RAD52: variants seen among roughly 807,000 people sequenced by gnomAD.
RAD52 encodes the protein RAD52 DNA repair protein.
In RAD52, 47 loss-of-function variants were observed where a neutral mutation model predicts 55.5. The observed-to-expected ratio is 0.85, with a 90% confidence interval of 0.67 to 1.08. The LOEUF (loss-of-function observed/expected upper bound fraction) is 1.08. Ranked by LOEUF, RAD52 falls within the 50% of genes least tolerant of loss-of-function variation. The pLI is 0.00. For synonymous variants in RAD52, 184 were observed against 198.9 expected (o/e 0.92, Z 0.63); for missense variants, 468 against 522.8 (o/e 0.90, Z 1.02).
chr12:913,392 T>A lies in RAD52; in HGVS notation c.1256A>T (p.Ter419LeuextTer42), dbSNP rs1956196789. 2.5e-6 allele frequency: 4 copies of A among 1,602,112 alleles called. No individual in the cohort carries two copies. In the South Asian group the frequency reaches 4.4e-5, roughly 18 times the overall value. The stretch of plus-strand genomic sequence containing the variant: ...CCAATTATGTGGCCTGAGCCTCAGT[T>A]AAGATGGATCATATTTCCTTTTCTT... ...DMKKRKYDPS[*>L] Residue 419 changes from the stop codon to leucine (L), a stop_lost, in exon 12 of 12, where the codon TAA (stop) becomes TTA (leucine). Transcript: ENST00000358495.
chr12:965,432 A>G (rs778815068), intron 1 of RAD52, among the ~76,000 whole-genome samples: 1 of 151,906 alleles, frequency 6.6e-6, no homozygotes, highest in Non-Finnish European at 1.5e-5. Context: ...AGGTTCATCT[A>G]TTTGCTTCTG....
intron 7 of RAD52, among the ~76,000 whole-genome samples, chr12:918,521 C>G (rs1956532829): frequency 6.6e-6 from 1 of 152,130 alleles, no homozygotes; most frequent in Admixed American, 6.5e-5. Context: ...CCCAGCCTCC[C>G]AAGCAGCTGG....
Position 927,206 on chromosome 12 carries a change from C to T in RAD52, c.406G>A (p.Ala136Thr). 2.5e-6 allele frequency: 4 copies of T among 1,614,178 alleles called. No individual in the cohort carries two copies. The highest frequency in any genetic ancestry group is 3.4e-6 in the Non-Finnish European group (4 of 1,180,034). Residue 136 changes from alanine to threonine, a missense_variant, in exon 6 of 12, where the codon GCT (alanine) becomes ACT (threonine). By Grantham distance (58) the Ala-to-Thr change is moderately conservative. Transcript: ENST00000358495. ...TTCCTTGCCTTCTCCAAAGATAAAG[C>T]CTTGGACTTGAGGCCCTCACTAACA... ...YGVSEGLKSK[A>T]LSLEKARKEA...
chr12:949,717 T>C (rs1944727017), upstream of RAD52: 1 of 149,576 alleles, frequency 6.7e-6, no homozygotes, highest in African/African-American at 2.5e-5. Context: ...CGAGCGTCTC[T>C]GGGAAGAAGG....
chr12:970,773 A>G (rs1958836293), intron 1 of RAD52, among the ~76,000 whole-genome samples: 1 of 152,142 alleles, frequency 6.6e-6, no homozygotes, highest in Admixed American at 6.6e-5. Flanking sequence ...AAGAAAGTGA[A>G]CCAACAACCG....
At chr12:979,724 T>G (rs1427559143) in intron 1 of RAD52, among the ~76,000 whole-genome samples, 2 of 152,116 alleles carry the variant, frequency 1.3e-5, no homozygotes, top group Non-Finnish European at 2.9e-5. Context: ...ATTTCTGTTA[T>G]TTAAGCCACC....
intron 1 of RAD52, among the ~76,000 whole-genome samples, chr12:963,923 G>C (rs914908694): frequency 6.6e-6 from 1 of 152,138 alleles, no homozygotes; most frequent in African/African-American, 2.4e-5. Flanking sequence ...AGGCCTCTCT[G>C]ATCAGGTGAC....
At position 927,164 on chromosome 12, in the gene RAD52, C is replaced by T. The variant is rs1352571686; in HGVS notation, c.448G>A (p.Gly150Arg). 3.7e-6 allele frequency: 6 copies of T among 1,614,070 alleles called. No homozygotes were observed. The highest frequency in any genetic ancestry group is 4.2e-6 in the Non-Finnish European group (5 of 1,179,968). Residue 150 changes from glycine (G) to arginine (R), a missense_variant, in exon 6 of 12, where the codon GGG (glycine) becomes AGG (arginine). Gly to Arg is a moderately radical substitution (Grantham distance 125). Transcript: ENST00000358495. ...EKARKEAVTD[G>R]LKRALRSFGN... ...GCTCACCTGAGGGCTCGCTTCAGCCCGTCTGTCACCGCCTCCTTCCTTGCC... is the reference window on the plus strand; with the variant it reads ...GCTCACCTGAGGGCTCGCTTCAGCCTGTCTGTCACCGCCTCCTTCCTTGCC...
At chr12:951,141 A>G (rs1053274474), upstream of RAD52, among the ~76,000 whole-genome samples, 1 of 152,066 alleles carries the variant, frequency 6.6e-6, no homozygotes, top group African/African-American at 2.4e-5. Flanking sequence ...GTCTCAAGCT[A>G]TCAAGCTGTT....
chr12:932,824 CTA>C (rs1957400565), intron 2 of RAD52, 149 bp downstream of exon 2: 1 of 181,184 alleles, frequency 5.5e-6, no homozygotes, highest in African/African-American at 3.1e-5. Flanking sequence ...CACACACGTA[CTA>C]GGTAAACGTA....
chr12:913,188 T>C lies in RAD52; in HGVS notation c.*203A>G, dbSNP rs1956188232. ...TCATCTGTCCAGAGCCTCTCCCTACTAGAGTGATGGACAAGCTTTTCAAAA... is the reference window on the plus strand; with the variant it reads ...TCATCTGTCCAGAGCCTCTCCCTACCAGAGTGATGGACAAGCTTTTCAAAA... On this transcript the variant is annotated 3_prime_UTR_variant, in exon 12 of 12. Coordinates refer to ENST00000358495, the MANE Select transcript of RAD52 (RefSeq NM_134424.4). The C allele has an allele frequency of 3.4e-6, 2 of 589,676 alleles. No homozygotes were observed. The highest frequency in any genetic ancestry group is 3.2e-5 in the Admixed American group (1 of 31,086). 36.5% of individuals were successfully genotyped at this position (589,676 alleles called of 1,614,324 possible).
chr12:940,684 A>G (rs1205666713), intron 1 of RAD52, among the ~76,000 whole-genome samples: 1 of 152,148 alleles, frequency 6.6e-6, no homozygotes, highest in Admixed American at 6.6e-5. Flanking sequence ...AGACACAAAG[A>G]AAATGTAAGA....
At chr12:971,950 G>A (rs541582933) in intron 1 of RAD52, among the ~76,000 whole-genome samples, 3 of 152,114 alleles carry the variant, frequency 2.0e-5, no homozygotes, top group South Asian at 2.1e-4. Context: ...GGGTTTCACC[G>A]TGTTAGCCAG....
At chr12:954,525 G>A (rs144374878), upstream of RAD52, among the ~76,000 whole-genome samples, 1,329 of 152,196 alleles carry the variant, frequency 8.7e-3, 17 homozygotes, top group African/African-American at 0.03. Flanking sequence ...CCAGCTACTC[G>A]GGAGGCTGAG....
rs150181047 is a variant in RAD52 at position 986,223 on chromosome 12, C to T, written c.-19+3586G>A. Reference sequence around the variant, plus strand: ...TGCTGGGATTACAGGTGTGAGCCGCCGCACCTGGCCTTGTTTTTAAAATAG... The same window carrying T: ...TGCTGGGATTACAGGTGTGAGCCGCTGCACCTGGCCTTGTTTTTAAAATAG... On this transcript the variant is annotated intron_variant, in intron 1 of 11. Transcript: ENST00000430095. 7.9e-5 allele frequency among the ~76,000 whole-genome samples: 12 copies of T among 152,170 alleles called. No individual in the cohort carries two copies. In the East Asian group the frequency reaches 1.5e-3, roughly 20 times the overall value.
intron 1 of RAD52, among the ~76,000 whole-genome samples, chr12:948,938 A>G (rs562224194): frequency 6.6e-6 from 1 of 152,180 alleles, no homozygotes; most frequent in Non-Finnish European, 1.5e-5. Flanking sequence ...GCCTCAAGCG[A>G]TCCTCCCGCA....
intron 1 of RAD52, among the ~76,000 whole-genome samples, chr12:988,909 G>C (rs1446173116): frequency 9.1e-5 from 11 of 120,970 alleles, no homozygotes; most frequent in Non-Finnish European, 1.0e-4. Flanking sequence ...CATGAGATTT[G>C]GTAGAGACAA....
Position 927,155 on chromosome 12 carries a change from G to A in RAD52, c.457C>T (p.Arg153Ter), listed in dbSNP as rs748854759. ...CAGCCCCGCGCTCACCTGAGGGCTC[G>A]CTTCAGCCCGTCTGTCACCGCCTCC... ...RKEAVTDGLK[R>*]ALRSFGNALG... The change falls in exon 6 of 12, where the codon CGA becomes TGA. Residue 153 changes from arginine to a stop codon, truncating the protein, a stop_gained. Coordinates refer to ENST00000358495, the MANE Select transcript of RAD52 (RefSeq NM_134424.4). LOFTEE classifies it high-confidence loss of function. 31 of 1,613,668 alleles carry A rather than the reference G, an allele frequency of 1.9e-5. No individual in the cohort carries two copies. The Admixed American group carries it at 2.8e-4, about 15-fold the overall frequency.
Position 985,089 on chromosome 12 carries a change from G to T in RAD52, c.-19+4720C>A, listed in dbSNP as rs542695165. 8.5e-5 allele frequency among the ~76,000 whole-genome samples: 13 copies of T among 152,214 alleles called. No homozygotes were observed. The South Asian group carries it at 2.7e-3, about 32-fold the overall frequency. The stretch of plus-strand genomic sequence containing the variant: ...CCCCCAAAGTGCTGGGATTACAGGC[G>T]TGAGCCACCATGCCTGGCCAATACA... On this transcript the variant is annotated intron_variant, in intron 1 of 11. Coordinates refer to the RAD52 transcript ENST00000430095.
Sources: allele counts gnomAD v4.1 joint callset (sites outside exome capture counted in the v4.1 genomes callset), GRCh38; gene constraint gnomAD v4.1.1; transcripts MANE v1.5; gene names NCBI Gene and HGNC (gene_info 2026-07-23, HGNC 2026-07-21).